Variants in ADAMTS12 observed in about 807,000 individuals in gnomAD.
ADAMTS12 encodes the protein ADAM metallopeptidase with thrombospondin type 1 motif 12.
ADAMTS12 carries 118 observed loss-of-function variants against 167.8 expected under a neutral mutation model. The ratio of observed to expected loss-of-function variants is 0.70; its 90% CI spans 0.61 to 0.82. The LOEUF (loss-of-function observed/expected upper bound fraction) is 0.82, where lower values mean the gene tolerates loss of function less well. ADAMTS12 is among the 40% of genes least tolerant of loss of function. ADAMTS12 has a pLI of 0.00. For missense variants in ADAMTS12, 1,916 were observed against 1,998.8 expected (o/e 0.96, Z 0.79); for synonymous variants, 704 against 716.9 (o/e 0.98, Z 0.29).
chr5:33,879,275 T>C (rs946173560), intron 2 of ADAMTS12, among the ~76,000 whole-genome samples: 2 of 151,980 alleles, frequency 1.3e-5, no homozygotes, highest in Non-Finnish European at 2.9e-5. Flanking sequence ...GGTTTGTCTT[T>C]GTAATGAGCT....
chr5:33,551,761 C>T (rs796265867), intron 20 of ADAMTS12, among the ~76,000 whole-genome samples: 26 of 152,290 alleles, frequency 1.7e-4, no homozygotes, highest in African/African-American at 5.1e-4. Flanking sequence ...TAAGGGAAGA[C>T]ACTCACTAAA....
chr5:33,769,348 A>T (rs1745659541), intron 2 of ADAMTS12, among the ~76,000 whole-genome samples: 1 of 152,184 alleles, frequency 6.6e-6, no homozygotes, highest in Admixed American at 6.5e-5. Flanking sequence ...ACATACATCA[A>T]GTACAAATGG....
At chr5:33,797,415 A>T (rs1746820504) in intron 2 of ADAMTS12, among the ~76,000 whole-genome samples, 1 of 127,114 alleles carries the variant, frequency 7.9e-6, no homozygotes, top group Non-Finnish European at 1.8e-5. Context: ...TGTAACTGCT[A>T]GCACTTTGAT....
rs185301381 is a variant in ADAMTS12 at position 33,800,116 on chromosome 5, C to T, written c.490-48568G>A. Among the ~76,000 whole-genome samples, 10 of 152,310 alleles carry T rather than the reference C, an allele frequency of 6.6e-5. No individual in the cohort carries two copies. The East Asian group carries it at 1.7e-3, about 26-fold the overall frequency. ...TGATGACTTTAGCAAAATACAAACG[C>T]AGTTCTAACTTTCACTCATTCAGTA... On this transcript the variant is annotated intron_variant, in intron 2 of 23. Transcript: ENST00000504830.
At chr5:33,849,383 C>T (rs202021776) in intron 2 of ADAMTS12, among the ~76,000 whole-genome samples, 1 of 127,532 alleles carries the variant, frequency 7.8e-6, no homozygotes, top group South Asian at 2.9e-4. Context: ...ATATGTATTG[C>T]ACAGCAATAT....
chr5:33,791,631 G>A (rs1035831603), intron 2 of ADAMTS12, among the ~76,000 whole-genome samples: 2 of 152,196 alleles, frequency 1.3e-5, no homozygotes, highest in Non-Finnish European at 2.9e-5. Flanking sequence ...ATTCTCTAGA[G>A]AAAATGTCCA....
rs559723820 is a variant in ADAMTS12 at position 33,663,556 on chromosome 5, T to C, written c.916-1516A>G. On this transcript the variant is annotated intron_variant, in intron 5 of 23. Transcript: ENST00000504830. The stretch of plus-strand genomic sequence containing the variant: ...TTAATTGCATCTACTCAGTATTATT[T>C]GTAAAGAAGGCATTATCATTTTTAT... Among the ~76,000 whole-genome samples the C allele has an allele frequency of 6.6e-5, 10 of 152,338 alleles. No homozygotes were observed. In the South Asian group the frequency reaches 2.1e-3, roughly 32 times the overall value.
intron 2 of ADAMTS12, among the ~76,000 whole-genome samples, chr5:33,820,629 C>T (rs1747834897): frequency 8.9e-6 from 1 of 112,822 alleles, no homozygotes. Context: ...CTATATATTG[C>T]TATAGCTTAA....
At chr5:33,781,514 T>C (rs183868485) in intron 2 of ADAMTS12, among the ~76,000 whole-genome samples, 1 of 152,238 alleles carries the variant, frequency 6.6e-6, no homozygotes, top group East Asian at 1.9e-4. Flanking sequence ...ATGACTCACA[T>C]TGACCAGGCC....
At chr5:33,684,436 G>C (rs1376824712) in intron 3 of ADAMTS12, among the ~76,000 whole-genome samples, 1 of 152,130 alleles carries the variant, frequency 6.6e-6, no homozygotes, top group Non-Finnish European at 1.5e-5. Flanking sequence ...ATGAATGACA[G>C]AGGTACATAT....
At chr5:33,551,682 T>C (rs958756967) in intron 20 of ADAMTS12, among the ~76,000 whole-genome samples, 5 of 152,374 alleles carry the variant, frequency 3.3e-5, no homozygotes, top group Middle Eastern at 3.4e-3. Flanking sequence ...AAATTAGCAT[T>C]ACTCTTTTGT....
chr5:33,867,760 T>C (rs1311569815), intron 2 of ADAMTS12, among the ~76,000 whole-genome samples: 1 of 152,234 alleles, frequency 6.6e-6, no homozygotes, highest in Non-Finnish European at 1.5e-5. Context: ...TCTAGATTCT[T>C]ACAGAATTTT....
chr5:33,561,044 C>T lies in ADAMTS12; in HGVS notation c.4108G>A (p.Val1370Met). The T allele has an allele frequency of 6.2e-7, 1 of 1,614,150 alleles. No individual in the cohort carries two copies. Among genetic ancestry groups the T allele is most frequent in the South Asian group, 1.1e-5 (1 of 91,074 alleles). ...CHLRPCAGWK[V>M]GNWSKCSRNC... ...TAAGTTACCTTGCTCCAGTTTCCCA[C>T]TTTCCAGCCAGCACAGGGACGGAGG... The change falls in exon 20 of 24, where the codon GTG becomes ATG. Residue 1370 changes from valine (V) to methionine (M), a missense_variant. Val to Met is a conservative substitution (Grantham distance 21, BLOSUM62 1). Coordinates refer to ENST00000504830, the MANE Select transcript of ADAMTS12 (RefSeq NM_030955.4).
chr5:33,591,373 TG>T (rs1338435912), intron 17 of ADAMTS12, among the ~76,000 whole-genome samples: 1 of 152,176 alleles, frequency 6.6e-6, no homozygotes, highest in Non-Finnish European at 1.5e-5. Flanking sequence ...CTCAGATAAA[TG>T]AAAGTCCAAA....
intron 20 of ADAMTS12, among the ~76,000 whole-genome samples, chr5:33,557,450 G>C (rs1345949315): frequency 2.0e-5 from 3 of 152,108 alleles, no homozygotes; most frequent in African/African-American, 4.8e-5. Flanking sequence ...AGCTCAGAGG[G>C]AAGGCCTTCA....
intron 5 of ADAMTS12, among the ~76,000 whole-genome samples, chr5:33,676,312 G>A (rs1354843348): frequency 6.6e-6 from 1 of 152,164 alleles, no homozygotes; most frequent in Non-Finnish European, 1.5e-5. Flanking sequence ...TCTGATAGCA[G>A]TTTTTGACTC....
intron 18 of ADAMTS12, 55 bp from the exon 19 acceptor site, chr5:33,577,215 G>A (rs1677275329): frequency 6.2e-7 from 1 of 1,610,534 alleles, no homozygotes; most frequent in Non-Finnish European, 8.5e-7. Context: ...TTATTCTCAT[G>A]GTTAGGTCTA....
At chr5:33,807,071 T>G (rs1245625910) in intron 2 of ADAMTS12, among the ~76,000 whole-genome samples, 1 of 152,118 alleles carries the variant, frequency 6.6e-6, no homozygotes, top group African/African-American at 2.4e-5. Context: ...ACAAGGCCCT[T>G]TCTCCTCTGG....
intron 7 of ADAMTS12, among the ~76,000 whole-genome samples, chr5:33,655,237 C>G (rs1331339616): frequency 2.0e-5 from 3 of 152,118 alleles, no homozygotes; most frequent in Non-Finnish European, 2.9e-5. Context: ...TAGCTGCCTT[C>G]CAGCTGCTAG....
Sources: allele counts gnomAD v4.1 joint callset (sites outside exome capture counted in the v4.1 genomes callset), GRCh38; gene constraint gnomAD v4.1.1; transcripts MANE v1.5; gene names NCBI Gene and HGNC (gene_info 2026-07-23, HGNC 2026-07-21).